The following ARMH3 variants were observed in gnomAD, a reference collection of about 807,000 sequenced individuals.
ARMH3 encodes the protein armadillo like helical domain containing 3.
Under a neutral mutation model 99.1 loss-of-function variants are expected in ARMH3, and 60 were observed. That is an observed-to-expected ratio of 0.61 (90% CI 0.49 to 0.75). The LOEUF is 0.75. Ranked by LOEUF, ARMH3 falls within the 30% of genes least tolerant of loss-of-function variation. The pLI is 0.00. For missense variants in ARMH3, 679 were observed against 843.1 expected (o/e 0.81, Z 2.41); for synonymous variants, 285 against 292.8 (o/e 0.97, Z 0.27).
intron 2 of ARMH3, among the ~76,000 whole-genome samples, chr10:102,039,083 C>T (rs2067347896): frequency 6.6e-6 from 1 of 151,898 alleles, no homozygotes; most frequent in South Asian, 2.1e-4. Flanking sequence ...ATGCGTACTA[C>T]TTATGACCAG....
At chr10:101,934,024 G>A (rs969925650) in intron 23 of ARMH3, among the ~76,000 whole-genome samples, 11 of 152,174 alleles carry the variant, frequency 7.2e-5, no homozygotes, top group African/African-American at 2.7e-4. Context: ...AGGAAGTTGG[G>A]GAGACCTCAC....
At chr10:101,954,471 CA>C (rs1329973888) in intron 22 of ARMH3, among the ~76,000 whole-genome samples, 1 of 152,144 alleles carries the variant, frequency 6.6e-6, no homozygotes, top group African/African-American at 2.4e-5. Flanking sequence ...AGATGTTCTG[CA>C]AAAGGCAAAA....
intron 10 of ARMH3, among the ~76,000 whole-genome samples, chr10:102,012,323 G>A (rs1258354059): frequency 6.6e-6 from 1 of 152,204 alleles, no homozygotes; most frequent in Non-Finnish European, 1.5e-5. Flanking sequence ...TCCAGCAAAA[G>A]GGAAAGCAAG....
chr10:101,861,173 T>G (rs1192731890), intron 24 of ARMH3, among the ~76,000 whole-genome samples: 2 of 151,992 alleles, frequency 1.3e-5, no homozygotes, highest in Non-Finnish European at 2.9e-5. Flanking sequence ...GAAACTAGTG[T>G]TAAAGGAAGA....
chr10:102,005,429 T>C (rs1004990116), intron 14 of ARMH3, among the ~76,000 whole-genome samples: 1 of 151,446 alleles, frequency 6.6e-6, no homozygotes, highest in African/African-American at 2.4e-5. Context: ...GGCTTTCAAT[T>C]CTAAACAGAT....
chr10:102,047,572 C>T (rs192183248), intron 1 of ARMH3, among the ~76,000 whole-genome samples: 311 of 151,894 alleles, frequency 2.0e-3, no homozygotes, highest in Non-Finnish European at 3.2e-3. Flanking sequence ...CGGCAACCTC[C>T]GCATCCCAGG....
chr10:101,999,439 A>C (rs2066296626), intron 15 of ARMH3, among the ~76,000 whole-genome samples: 2 of 151,948 alleles, frequency 1.3e-5, no homozygotes, highest in South Asian at 4.2e-4. Flanking sequence ...TGATCCTCCC[A>C]CCTAGGCCTC....
chr10:101,996,230 T>C (rs899168246), intron 15 of ARMH3, among the ~76,000 whole-genome samples: 1 of 152,230 alleles, frequency 6.6e-6, no homozygotes, highest in Non-Finnish European at 1.5e-5. Flanking sequence ...AAATGGCTCA[T>C]GATTTTCAAA....
At chr10:102,045,065 G>A (rs751278905) in intron 1 of ARMH3, among the ~76,000 whole-genome samples, 8 of 148,400 alleles carry the variant, frequency 5.4e-5, no homozygotes, top group Non-Finnish European at 8.9e-5. Flanking sequence ...GAGCCCAGGA[G>A]GCAAAGGTTG....
intron 8 of ARMH3, 67 bp downstream of exon 8, chr10:102,023,409 CT>C: frequency 1.4e-6 from 2 of 1,422,482 alleles, no homozygotes; most frequent in African/African-American, 1.4e-5. Flanking sequence ...AAGCAAAGTC[CT>C]TTAGGAGGGG....
chr10:102,024,757 T>A (rs1389213082), intron 6 of ARMH3, among the ~76,000 whole-genome samples: 1 of 150,094 alleles, frequency 6.7e-6, no homozygotes, highest in Non-Finnish European at 1.5e-5. Context: ...AGGCAGACGT[T>A]GAAGTGAGCC....
chr10:101,912,656 A>T (rs536906839), intron 23 of ARMH3, among the ~76,000 whole-genome samples: 1 of 152,258 alleles, frequency 6.6e-6, no homozygotes, highest in Admixed American at 6.5e-5. Context: ...GATGGCTTTT[A>T]TTTCTTTTTC....
At chr10:102,024,416 T>G (rs1344370323) in intron 6 of ARMH3, among the ~76,000 whole-genome samples, 1 of 150,774 alleles carries the variant, frequency 6.6e-6, no homozygotes, top group Non-Finnish European at 1.5e-5. Flanking sequence ...GCCATTGCAC[T>G]CTCCAGCCTA....
chr10:102,044,525 C>T (rs554389656), intron 1 of ARMH3, among the ~76,000 whole-genome samples: 1 of 152,158 alleles, frequency 6.6e-6, no homozygotes, highest in African/African-American at 2.4e-5. Flanking sequence ...TGCGCGCCAC[C>T]ACACCCAGCT....
intron 1 of ARMH3, among the ~76,000 whole-genome samples, chr10:102,043,871 G>C (rs547196293): frequency 6.6e-6 from 1 of 152,272 alleles, no homozygotes; most frequent in East Asian, 1.9e-4. Flanking sequence ...AAGACTGTTA[G>C]TCACGTGAGC....
At chr10:101,931,807 C>CT (rs1432307376) in intron 23 of ARMH3, among the ~76,000 whole-genome samples, 1 of 152,118 alleles carries the variant, frequency 6.6e-6, no homozygotes, top group Non-Finnish European at 1.5e-5. Context: ...ACATAAAACT[C>CT]TTAGAAGAAA....
At chr10:102,009,532 G>T in intron 12 of ARMH3, 83 bp from the exon 13 acceptor site, 1 of 1,124,906 alleles carries the variant, frequency 8.9e-7, no homozygotes, top group Non-Finnish European at 1.3e-6. Flanking sequence ...AGATTGGATT[G>T]CACCCCAGCG....
chr10:101,992,139 G>T lies in ARMH3; in HGVS notation c.1276-101C>A, dbSNP rs940514013. ...TTGTGCAAATAAAATCACTATTACA[G>T]GGATACTTCCTTTTCTTTCTCTTTT... On this transcript the variant is annotated intron_variant, in intron 17 of 25. Coordinates refer to ENST00000370033, the MANE Select transcript of ARMH3 (RefSeq NM_024541.3). 1.1e-5 allele frequency: 11 copies of T among 970,632 alleles called. No individual in the cohort carries two copies. The East Asian group carries it at 1.7e-4, about 15-fold the overall frequency. The allele number at this position is 970,632 out of a possible 1,614,324, so 60.1% of individuals were successfully genotyped here.
At chr10:101,876,001 C>T (rs1053522086) in intron 24 of ARMH3, among the ~76,000 whole-genome samples, 1 of 152,110 alleles carries the variant, frequency 6.6e-6, no homozygotes, top group African/African-American at 2.4e-5. Flanking sequence ...GTAATCCCAA[C>T]ACTTTAGGAG....
Sources: allele counts gnomAD v4.1 joint callset (sites outside exome capture counted in the v4.1 genomes callset), GRCh38; gene constraint gnomAD v4.1.1; transcripts MANE v1.5; gene names NCBI Gene and HGNC (gene_info 2026-07-23, HGNC 2026-07-21).